The following BCAS3 variants were observed in gnomAD, a reference collection of about 807,000 sequenced individuals.
BCAS3 encodes the protein BCAS3 microtubule associated cell migration factor.
Under a neutral mutation model 116.1 loss-of-function variants are expected in BCAS3, and 53 were observed. That is an observed-to-expected ratio of 0.46 (90% CI 0.37 to 0.57). The LOEUF (loss-of-function observed/expected upper bound fraction) is 0.57. BCAS3 is among the 20% of genes least tolerant of loss of function. The pLI is 0.00. For missense variants in BCAS3, 917 were observed against 1,165.4 expected (o/e 0.79, Z 3.10); for synonymous variants, 391 against 408.2 (o/e 0.96, Z 0.51).
chr17:60,791,209 T>G (rs1174742266), intron 6 of BCAS3, among the ~76,000 whole-genome samples: 1 of 152,198 alleles, frequency 6.6e-6, no homozygotes, highest in Non-Finnish European at 1.5e-5. Flanking sequence ...AGAACTTGTC[T>G]TAACTTAATT....
In BCAS3 at chr17:60,883,118, T is replaced by C. The variant is rs1401971508; in HGVS notation, c.662-6577T>C. Among the ~76,000 whole-genome samples the C allele has an allele frequency of 6.2e-3, 839 of 135,162 alleles. 2 individuals carry two copies. Among genetic ancestry groups the C allele is most frequent in the African/African-American group, 0.023 (709 of 31,292 alleles). The allele number at this position is 135,162 out of a possible 152,430, so 88.7% of individuals were successfully genotyped here. Reference sequence around the variant, plus strand: ...TTGTTTGTATCCTCTTTTATTTCCTTGAGCAGTGGTTTGTAGTTCTCCTTG... The same window carrying C: ...TTGTTTGTATCCTCTTTTATTTCCTCGAGCAGTGGTTTGTAGTTCTCCTTG... On this transcript the variant is annotated intron_variant, in intron 9 of 23. Coordinates refer to ENST00000407086, the MANE Select transcript of BCAS3 (RefSeq NM_017679.5).
chr17:61,135,162 C>T (rs550075275), intron 22 of BCAS3, among the ~76,000 whole-genome samples: 49 of 152,234 alleles, frequency 3.2e-4, no homozygotes, highest in African/African-American at 1.1e-3. Flanking sequence ...TTTATTATAA[C>T]AGATGATTAT....
At chr17:61,054,053 A>G (rs912296394) in intron 19 of BCAS3, among the ~76,000 whole-genome samples, 4 of 152,254 alleles carry the variant, frequency 2.6e-5, no homozygotes, top group African/African-American at 7.2e-5. Flanking sequence ...TGAAAGTACC[A>G]TCAGCAATCT....
At chr17:61,043,400 T>C (rs1169958912) in intron 19 of BCAS3, among the ~76,000 whole-genome samples, 1 of 151,952 alleles carries the variant, frequency 6.6e-6, no homozygotes, top group Non-Finnish European at 1.5e-5. Context: ...AACTAAGTAG[T>C]TACTAATGAT....
intron 22 of BCAS3, among the ~76,000 whole-genome samples, chr17:61,166,389 CTCTTTTTTTTT>C (rs1422251501): frequency 1.7e-4 from 4 of 23,278 alleles, no homozygotes; most frequent in African/African-American, 3.3e-4. Context: ...CTCTCTCTCT[CTCTTTTTTTTT>C]TTTTTTTTTT....
At chr17:60,790,732 G>A (rs1422737492) in intron 6 of BCAS3, among the ~76,000 whole-genome samples, 1 of 137,156 alleles carries the variant, frequency 7.3e-6, no homozygotes, top group African/African-American at 2.7e-5. Context: ...CATTAGTTGT[G>A]TTTGTAGGTT....
Position 61,235,198 on chromosome 17 carries a change from G to A in BCAS3, c.2426-133129G>A, listed in dbSNP as rs1483195267. On this transcript the variant is annotated intron_variant, in intron 22 of 23. Transcript: ENST00000407086. This position sits in a 1 kb window ranked among gnomAD's most constrained non-coding sequence, Gnocchi z 5.0. ...CACCACGCCTGGCTGTCTGCCCCCC[G>A]CCTGTCCTAAGCACTTTAAATGTGT... Among the ~76,000 whole-genome samples the A allele has an allele frequency of 6.6e-6, 1 of 152,046 alleles. No individual in the cohort carries two copies. The highest frequency in any genetic ancestry group is 2.4e-5 in the African/African-American group (1 of 41,400).
chr17:61,182,489 G>T (rs779851545), intron 22 of BCAS3, among the ~76,000 whole-genome samples: 34 of 151,930 alleles, frequency 2.2e-4, no homozygotes, highest in Admixed American at 4.6e-4. Context: ...CTCTTTGCTG[G>T]TTATTTTTAT....
chr17:61,353,388 G>C (rs2057969791), intron 22 of BCAS3, among the ~76,000 whole-genome samples: 1 of 152,140 alleles, frequency 6.6e-6, no homozygotes, highest in South Asian at 2.1e-4. Context: ...TCTGGGGAGG[G>C]GTCTGAGCAG....
chr17:60,874,243 A>G (rs62082894), intron 8 of BCAS3, among the ~76,000 whole-genome samples: 345 of 146,006 alleles, frequency 2.4e-3, no homozygotes, highest in Middle Eastern at 4.2e-3. Context: ...GTTTATTTGT[A>G]TTATTTCTTA....
chr17:60,723,821 T>C (rs1311166836), intron 5 of BCAS3, among the ~76,000 whole-genome samples: 1 of 147,894 alleles, frequency 6.8e-6, no homozygotes, highest in Non-Finnish European at 1.5e-5. Context: ...CAGGTTCAAG[T>C]GATTCTCCTG....
intron 5 of BCAS3, among the ~76,000 whole-genome samples, chr17:60,728,218 CTCTA>C (rs1392857002): frequency 1.3e-5 from 2 of 152,176 alleles, no homozygotes; most frequent in Admixed American, 6.5e-5. Context: ...ATCCTCTGTT[CTCTA>C]TCTATTCATC....
In BCAS3 at chr17:60,686,201, A is replaced by G. The variant is rs1482072669; in HGVS notation, c.138+2165A>G. On this transcript the variant is annotated intron_variant, in intron 3 of 23. Transcript: ENST00000407086. ...ACATTTTTTCTACTGTTTGGTTGACATGAGAACAGTGCTTTCTAACATTTT... is the reference window on the plus strand; with the variant it reads ...ACATTTTTTCTACTGTTTGGTTGACGTGAGAACAGTGCTTTCTAACATTTT... Among the ~76,000 whole-genome samples, 5 of 152,140 alleles carry G rather than the reference A, an allele frequency of 3.3e-5. No homozygotes were observed. In the South Asian group the frequency reaches 6.2e-4, roughly 19 times the overall value.
intron 8 of BCAS3, among the ~76,000 whole-genome samples, chr17:60,872,270 G>A (rs188798209): frequency 1.3e-5 from 2 of 151,892 alleles, no homozygotes; most frequent in African/African-American, 2.4e-5. Context: ...TGTATATAGT[G>A]TGTGTATATA....
chr17:60,863,332 T>C (rs954598643), intron 7 of BCAS3, among the ~76,000 whole-genome samples: 1 of 152,210 alleles, frequency 6.6e-6, no homozygotes, highest in Non-Finnish European at 1.5e-5. Context: ...ATGTATATCA[T>C]TTGTATACAT....
rs1037786024 is a variant in BCAS3, at chr17:61,020,913, T to C, written c.1637+5012T>C. ...AAAAATATTAAAATTGAAAATGAAG[T>C]TACTTCCTTGCTCTTACTAGGTGGA... is the stretch of plus-strand genomic sequence containing the variant. On this transcript the variant is annotated intron_variant, in intron 16 of 23. Coordinates refer to ENST00000407086, the MANE Select transcript of BCAS3 (RefSeq NM_017679.5). This position sits in a 1 kb window ranked among gnomAD's most constrained non-coding sequence, Gnocchi z 4.5. Among the ~76,000 whole-genome samples the C allele has an allele frequency of 3.9e-5, 6 of 152,146 alleles. No homozygotes were observed. Among genetic ancestry groups the C allele is most frequent in the Admixed American group, 6.5e-5 (1 of 15,276 alleles).
At position 61,204,794 on chromosome 17, in the gene BCAS3, G is replaced by A. The variant is rs565408419; in HGVS notation, c.2425+120230G>A. On this transcript the variant is annotated intron_variant, in intron 22 of 23. Transcript: ENST00000407086. This position sits in a 1 kb window ranked among gnomAD's most constrained non-coding sequence, Gnocchi z 4.2. ...TGGCCTGGCATGGTGGCTCATGTCT[G>A]TAATCCAAGCACTTTAGGAGGCTGA... is the stretch of plus-strand genomic sequence containing the variant. 2.6e-3 allele frequency among the ~76,000 whole-genome samples: 390 copies of A among 152,272 alleles called. 1 individual carries two copies. Among genetic ancestry groups the A allele is most frequent in the Non-Finnish European group, 4.4e-3 (301 of 68,022 alleles).
chr17:60,737,881 G>T (rs540439607), intron 5 of BCAS3, among the ~76,000 whole-genome samples: 4 of 151,932 alleles, frequency 2.6e-5, no homozygotes, highest in Non-Finnish European at 5.9e-5. Context: ...TTGCCTCTTC[G>T]GTTCAAGCGA....
chr17:60,754,267 G>A (rs11650525), intron 6 of BCAS3, among the ~76,000 whole-genome samples: 110,238 of 151,792 alleles, frequency 0.73, 45,695 homozygotes, highest in South Asian at 0.98. Flanking sequence ...GAACAGTGAC[G>A]CAATCATGGC....
Sources: allele counts gnomAD v4.1 joint callset (sites outside exome capture counted in the v4.1 genomes callset), GRCh38; gene constraint gnomAD v4.1.1; non-coding constraint Gnocchi (gnomAD v3.1); transcripts MANE v1.5; gene names NCBI Gene and HGNC (gene_info 2026-07-23, HGNC 2026-07-21).